Variants in NRXN1 observed in about 807,000 individuals in gnomAD.
NRXN1 encodes neurexin-1.
A neutral mutation model predicts 150.9 loss-of-function variants in NRXN1; 39 were observed. That is an observed-to-expected ratio of 0.26 (90% CI 0.20 to 0.34). The LOEUF (loss-of-function observed/expected upper bound fraction) is 0.34. Among genes scored for constraint, NRXN1 ranks in the 10% least tolerant of loss-of-function variants. The probability of loss-of-function intolerance (pLI) is 1.00; values close to 1 mark genes in which losing one functional copy is unlikely to be tolerated. For missense variants in NRXN1, 1,815 were observed against 1,949.9 expected, an observed-to-expected ratio of 0.93 and a Z score of 1.30; for synonymous variants, 924 against 757.0, an observed-to-expected ratio of 1.22 and a Z score of -3.62.
At chr2:50,605,984 G>A (rs1056514399) in intron 8 of NRXN1, among the ~76,000 whole-genome samples, 4 of 152,036 alleles carry the variant, frequency 2.6e-5, no homozygotes, top group African/African-American at 9.6e-5. Flanking sequence ...GAATCAGCCA[G>A]GAGCCTGTAA....
chr2:50,085,959 A>T (rs1018925675), intron 19 of NRXN1, among the ~76,000 whole-genome samples: 48 of 152,278 alleles, frequency 3.2e-4, no homozygotes, highest in African/African-American at 1.1e-3. Context: ...TAGCTTGTAG[A>T]CAGCAGTCCC....
intron 5 of NRXN1, among the ~76,000 whole-genome samples, chr2:50,823,286 C>G (rs1231140180): frequency 6.6e-6 from 1 of 152,136 alleles, no homozygotes; most frequent in Non-Finnish European, 1.5e-5. Context: ...AGTGAGAAGA[C>G]TGAGTTAACT....
intron 18 of NRXN1, among the ~76,000 whole-genome samples, chr2:50,189,111 C>G (rs1280361723): frequency 6.6e-6 from 1 of 152,080 alleles, no homozygotes; most frequent in Non-Finnish European, 1.5e-5. Context: ...AGACTTGGAA[C>G]CAACCCAAAT....
At chr2:50,895,729 C>A (rs1018040612) in intron 5 of NRXN1, among the ~76,000 whole-genome samples, 1 of 151,492 alleles carries the variant, frequency 6.6e-6, no homozygotes, top group African/African-American at 2.4e-5. Context: ...TACAGGAGTG[C>A]GCCACCACGC....
At chr2:50,121,306 C>A (rs977075038) in intron 18 of NRXN1, among the ~76,000 whole-genome samples, 1 of 152,220 alleles carries the variant, frequency 6.6e-6, no homozygotes, top group Non-Finnish European at 1.5e-5. Context: ...TAGGCATGAG[C>A]CACTGCCCAC....
chr2:50,471,175 G>A (rs577677602), intron 16 of NRXN1, among the ~76,000 whole-genome samples: 2 of 151,654 alleles, frequency 1.3e-5, no homozygotes, highest in Non-Finnish European at 1.5e-5. Context: ...TAGTCGTGAA[G>A]TCTAACATTT....
chr2:50,228,474 G>T (rs762594892), intron 18 of NRXN1, among the ~76,000 whole-genome samples: 1 of 151,976 alleles, frequency 6.6e-6, no homozygotes, highest in Non-Finnish European at 1.5e-5. Context: ...GATGAGTTCA[G>T]TTGTTAATGT....
At chr2:50,475,348 T>A (rs1353541424) in intron 15 of NRXN1, among the ~76,000 whole-genome samples, 1 of 151,990 alleles carries the variant, frequency 6.6e-6, no homozygotes, top group Non-Finnish European at 1.5e-5. Flanking sequence ...TGGCCCTCAA[T>A]AAATATTGTC....
chr2:50,005,473 C>T (rs1409939091), intron 21 of NRXN1, among the ~76,000 whole-genome samples: 11 of 152,072 alleles, frequency 7.2e-5, no homozygotes, highest in African/African-American at 1.4e-4. Context: ...CATTACCAAC[C>T]GGGACAACCA....
chr2:50,067,926 G>C (rs1695605977), intron 19 of NRXN1, among the ~76,000 whole-genome samples: 1 of 152,028 alleles, frequency 6.6e-6, no homozygotes, highest in African/African-American at 2.4e-5. Context: ...AAATTATGTG[G>C]TTCAGCTGAA....
At chr2:50,207,034 CTCT>C (rs1260538230) in intron 18 of NRXN1, among the ~76,000 whole-genome samples, 1 of 151,918 alleles carries the variant, frequency 6.6e-6, no homozygotes, top group Non-Finnish European at 1.5e-5. Context: ...TCTTCTAGCA[CTCT>C]TCTTCAAGAA....
chr2:50,359,380 C>T (rs978404783), intron 17 of NRXN1, among the ~76,000 whole-genome samples: 1 of 151,584 alleles, frequency 6.6e-6, no homozygotes, highest in African/African-American at 2.4e-5. Context: ...AGACAAATTG[C>T]TAATTAGAAT....
At chr2:50,947,493 T>C (rs1244152287) in intron 2 of NRXN1, among the ~76,000 whole-genome samples, 1 of 152,004 alleles carries the variant, frequency 6.6e-6, no homozygotes, top group African/African-American at 2.4e-5. Flanking sequence ...TAACCATTCT[T>C]TTCCCATGCA....
intron 5 of NRXN1, among the ~76,000 whole-genome samples, chr2:50,649,546 T>C (rs12713120): frequency 0.19 from 29,250 of 151,818 alleles, 3,483 homozygotes; most frequent in East Asian, 0.36. Flanking sequence ...CTTAGTGAGA[T>C]TGGTTGGTTT....
chr2:49,960,617 AT>A (rs1675759008), intron 21 of NRXN1, among the ~76,000 whole-genome samples: 1 of 152,210 alleles, frequency 6.6e-6, no homozygotes, highest in Non-Finnish European at 1.5e-5. Context: ...ATTGTGGAGT[AT>A]TTCCTTAAAA....
chr2:50,464,564 C>A (rs2088612287), intron 17 of NRXN1: 1 of 151,942 alleles, frequency 6.6e-6, no homozygotes, highest in Admixed American at 6.6e-5. Context: ...AAAATCTAAA[C>A]CTTCAACCGT....
At chr2:50,851,259 C>T (rs956754964) in intron 5 of NRXN1, among the ~76,000 whole-genome samples, 2 of 151,870 alleles carry the variant, frequency 1.3e-5, no homozygotes, top group African/African-American at 2.4e-5. Flanking sequence ...GTGAGGGTGA[C>T]GGGATAAGAC....
intron 5 of NRXN1, among the ~76,000 whole-genome samples, chr2:50,857,125 C>T (rs1220732293): frequency 1.3e-5 from 2 of 152,068 alleles, no homozygotes; most frequent in South Asian, 2.1e-4. Context: ...GATTTGGAGA[C>T]TATTTTAATT....
At chr2:50,517,014 C>T (rs1395591745) in intron 12 of NRXN1, among the ~76,000 whole-genome samples, 9 of 152,278 alleles carry the variant, frequency 5.9e-5, no homozygotes. Context: ...TTGACCCACA[C>T]AGACTGTTGA....
Sources: allele counts gnomAD v4.1 joint callset (sites outside exome capture counted in the v4.1 genomes callset), GRCh38; gene constraint gnomAD v4.1.1; transcripts MANE v1.5; gene names NCBI Gene and HGNC (gene_info 2026-07-23, HGNC 2026-07-21).